The following CTDSPL variants were observed in gnomAD, a reference collection of about 807,000 sequenced individuals.
CTDSPL encodes CTD small phosphatase-like protein.
A neutral mutation model predicts 30.5 loss-of-function variants in CTDSPL; 8 were observed. That is an observed-to-expected ratio of 0.26 (90% confidence interval 0.15 to 0.47). The LOEUF (loss-of-function observed/expected upper bound fraction) is 0.47. Among genes scored for constraint, CTDSPL ranks in the 20% least tolerant of loss-of-function variants. CTDSPL has a pLI of 0.99. For missense variants in CTDSPL, 248 were observed against 366.1 expected (o/e 0.68, Z 2.63); for synonymous variants, 110 against 137.9 (o/e 0.80, Z 1.42).
intron 3 of CTDSPL, among the ~76,000 whole-genome samples, chr3:37,958,253 C>T (rs541032284): frequency 2.6e-5 from 4 of 152,156 alleles, no homozygotes; most frequent in African/African-American, 7.2e-5. Context: ...TTGACTAATG[C>T]GTTGCAAGAG....
intron 1 of CTDSPL, among the ~76,000 whole-genome samples, chr3:37,907,545 A>T (rs1043191926): frequency 2.6e-5 from 4 of 152,184 alleles, no homozygotes; most frequent in Admixed American, 6.6e-5. Context: ...GGAGGAGGTG[A>T]AGGAGAAAGG....
At chr3:37,958,253 C>A (rs541032284) in intron 3 of CTDSPL, among the ~76,000 whole-genome samples, 1 of 152,274 alleles carries the variant, frequency 6.6e-6, no homozygotes, top group Admixed American at 6.5e-5. Context: ...TTGACTAATG[C>A]GTTGCAAGAG....
intron 2 of CTDSPL, among the ~76,000 whole-genome samples, chr3:37,949,389 A>C (rs1699083006): frequency 6.6e-6 from 1 of 152,222 alleles, no homozygotes; most frequent in Non-Finnish European, 1.5e-5. Flanking sequence ...TATAATACCG[A>C]AAAATTATAA....
At chr3:37,941,754 C>G (rs1559639802) in intron 1 of CTDSPL, among the ~76,000 whole-genome samples, 1 of 150,142 alleles carries the variant, frequency 6.7e-6, no homozygotes, top group African/African-American at 2.4e-5. Flanking sequence ...CAGGCCTGCC[C>G]CGGGCTGAGC....
chr3:37,941,728 G>A (rs1333515039), intron 1 of CTDSPL, among the ~76,000 whole-genome samples: 1 of 150,276 alleles, frequency 6.7e-6, no homozygotes, highest in Non-Finnish European at 1.5e-5. Flanking sequence ...AGGAGAAAGA[G>A]GGTGGTCCTT....
chr3:37,968,324 T>C, intron 5 of CTDSPL: 1 of 429,410 alleles, frequency 2.3e-6, no homozygotes, highest in Non-Finnish European at 4.6e-6. Flanking sequence ...TCCTGCATCG[T>C]TTTCTCCAGA....
chr3:37,960,533 T>C (rs901455888), intron 3 of CTDSPL, among the ~76,000 whole-genome samples: 2,620 of 33,004 alleles, frequency 0.079, 90 homozygotes, highest in African/African-American at 0.15. Flanking sequence ...TATATATATA[T>C]ATACACACAC....
chr3:37,954,682 T>A (rs1042835600), intron 2 of CTDSPL: 1 of 152,324 alleles, frequency 6.6e-6, no homozygotes, highest in African/African-American at 2.4e-5. Context: ...TTTGGAGCCT[T>A]TGAGTTTCCA....
chr3:37,874,814 C>T (rs112025982), intron 1 of CTDSPL, among the ~76,000 whole-genome samples: 2 of 152,146 alleles, frequency 1.3e-5, no homozygotes, highest in African/African-American at 4.8e-5. Flanking sequence ...TGATGGTAAC[C>T]TATGGTGCCA....
At chr3:37,924,703 T>A (rs996473682) in intron 1 of CTDSPL, among the ~76,000 whole-genome samples, 1 of 152,200 alleles carries the variant, frequency 6.6e-6, no homozygotes, top group Non-Finnish European at 1.5e-5. Context: ...GATATGTAGT[T>A]TCTTATGTGT....
In CTDSPL at chr3:37,939,617, A is replaced by G. The variant is rs1326876230; in HGVS notation, c.80-7440A>G. Reference sequence around the variant, plus strand: ...CCCTTTTCCATAACATCAAATCCAAACTCATCTCCATGGCTTGCAAGGCCC... The same window carrying G: ...CCCTTTTCCATAACATCAAATCCAAGCTCATCTCCATGGCTTGCAAGGCCC... On this transcript the variant is annotated intron_variant, in intron 1 of 7. Coordinates refer to ENST00000273179, the MANE Select transcript of CTDSPL (RefSeq NM_001008392.2). Among the ~76,000 whole-genome samples the G allele has an allele frequency of 4.0e-5, 6 of 149,256 alleles. 2 individuals carry two copies. Among genetic ancestry groups the G allele is most frequent in the Non-Finnish European group, 9.0e-5 (6 of 66,694 alleles).
chr3:37,905,309 T>C (rs1298376411), intron 1 of CTDSPL, among the ~76,000 whole-genome samples: 1 of 152,228 alleles, frequency 6.6e-6, no homozygotes, highest in Non-Finnish European at 1.5e-5. Flanking sequence ...TAAAGGAAAT[T>C]AAGAGTCAAA....
chr3:37,910,305 C>A (rs1011224837), intron 1 of CTDSPL, among the ~76,000 whole-genome samples: 4 of 152,052 alleles, frequency 2.6e-5, no homozygotes, highest in African/African-American at 9.7e-5. Context: ...CATTGTGAAA[C>A]CTCGTCTCTA....
intron 1 of CTDSPL, among the ~76,000 whole-genome samples, chr3:37,866,698 ATTTG>A (rs967860959): frequency 5.3e-5 from 8 of 152,176 alleles, no homozygotes; most frequent in East Asian, 1.9e-4. Context: ...CTGCAGGAAA[ATTTG>A]TTTGGGCAGA....
rs71635858 is a variant in CTDSPL at position 37,948,808 on chromosome 3, C to CTTTTTTTTTTTTTTTT, written c.234+1605_234+1620dup. ...TAATGAGAGACCATTTTCCAGCTTT[C>CTTTTTTTTTTTTTTTT]TTTTTTTTTTTTTTTTTTTTTTTGA... On this transcript the variant is annotated intron_variant, in intron 2 of 7. Transcript: ENST00000273179. Among the ~76,000 whole-genome samples the CTTTTTTTTTTTTTTTT allele has an allele frequency of 2.7e-4, 29 of 108,144 alleles. 2 individuals are homozygous for CTTTTTTTTTTTTTTTT. The highest frequency in any genetic ancestry group is 1.0e-3 in the African/African-American group (25 of 24,450). The allele number at this position is 108,144 out of a possible 152,430, so 70.9% of individuals were successfully genotyped here.
At chr3:37,960,535 TACACACACAC>T (rs71288085) in intron 3 of CTDSPL, among the ~76,000 whole-genome samples, 93 of 16,268 alleles carry the variant, frequency 5.7e-3, no homozygotes, top group Middle Eastern at 0.042. Context: ...TATATATATA[TACACACACAC>T]ACACACACAC....
intron 2 of CTDSPL, among the ~76,000 whole-genome samples, chr3:37,950,966 A>G (rs1699099737): frequency 6.6e-6 from 1 of 152,228 alleles, no homozygotes; most frequent in Non-Finnish European, 1.5e-5. Flanking sequence ...CCAAGATATC[A>G]TTTATCTATT....
intron 1 of CTDSPL, among the ~76,000 whole-genome samples, chr3:37,890,279 G>A (rs1698310249): frequency 6.6e-6 from 1 of 152,036 alleles, no homozygotes; most frequent in South Asian, 2.1e-4. Flanking sequence ...AAATAAAGAG[G>A]GAATGTTAAC....
In CTDSPL at chr3:37,862,305, G is replaced by C; in HGVS notation, c.79+27G>C. ...TGAGGAGGGGCGCAGGCGGCCGCGG[G>C]CTGGGGGCGAGCGCACACCCCGCGC... On this transcript the variant is annotated intron_variant, in intron 1 of 7. Coordinates refer to ENST00000273179, the MANE Select transcript of CTDSPL (RefSeq NM_001008392.2). The surrounding 1 kb of genome is among the most constrained non-coding windows in gnomAD (Gnocchi z 4.3). 1 of 1,465,626 alleles carries C rather than the reference G, an allele frequency of 6.8e-7. No individual in the cohort carries two copies. Among genetic ancestry groups the C allele is most frequent in the Non-Finnish European group, 9.0e-7 (1 of 1,111,874 alleles). 90.8% of individuals were successfully genotyped at this position (1,465,626 alleles called of 1,614,324 possible). A position where few individuals can be genotyped will look rare whatever the true frequency, so the allele number is the denominator to read the frequency against.
Sources: gnomAD v4.1 joint callset for allele counts (sites outside exome capture counted in the v4.1 genomes callset) on GRCh38, gnomAD v4.1.1 for gene constraint, Gnocchi (gnomAD v3.1) non-coding constraint, MANE v1.5 for transcripts, NCBI Gene and HGNC (gene_info 2026-07-23, HGNC 2026-07-21) for gene names.